PFKL: variants seen among roughly 807,000 people sequenced by gnomAD.
The protein encoded by PFKL is phosphofructokinase, liver type, also known as ATP-dependent 6-phosphofructokinase, liver type.
A neutral mutation model predicts 92.1 loss-of-function variants in PFKL; 74 were observed. The observed-to-expected ratio is 0.80, with a 90% confidence interval of 0.67 to 0.97. PFKL has a LOEUF of 0.97. Ranked by LOEUF, PFKL falls within the 50% of genes least tolerant of loss-of-function variation. The probability of loss-of-function intolerance (pLI) is 0.00; values close to 1 mark genes in which losing one functional copy is unlikely to be tolerated. For missense variants in PFKL, 1,028 were observed against 1,116.6 expected (o/e 0.92, Z 1.13); for synonymous variants, 494 against 456.4 (o/e 1.08, Z -1.05).
Position 44,300,118 on chromosome 21 carries a change from GA to G in PFKL, c.14del (p.Asp5AlafsTer17). 1 of 1,178,816 alleles carries G rather than the reference GA, an allele frequency of 8.5e-7. No homozygotes were observed. The highest frequency in any genetic ancestry group is 1.6e-5 in the African/African-American group (1 of 60,824). The allele number at this position is 1,178,816 out of a possible 1,614,324, so 73.0% of individuals were successfully genotyped here. MAAV[D>X]LEKLRASGAG... is the part of the protein sequence containing the mutation. ...TTCGGCCGCCGCCATGGCCGCGGTG[GA>G]CCTGGAGAAGCTGCGGGCGTCGGGC... On this transcript the variant is annotated frameshift_variant, in exon 1 of 22. Transcript: ENST00000349048. LOFTEE classifies it high-confidence loss of function.
Position 44,312,269 on chromosome 21 carries a change from C to A in PFKL, c.402C>A (p.Ser134Arg), listed in dbSNP as rs1476757084. 2 of 1,595,126 alleles carry A rather than the reference C, an allele frequency of 1.3e-6. No individual in the cohort carries two copies. Among genetic ancestry groups the A allele is most frequent in the Non-Finnish European group, 1.7e-6 (2 of 1,172,470 alleles). Residue 134 changes from serine (S) to arginine (R), a missense_variant, in exon 4 of 22, where the codon AGC (serine) becomes AGA (arginine). Coordinates refer to ENST00000349048, the MANE Select transcript of PFKL (RefSeq NM_002626.6). The part of the protein sequence containing the change: ...GANIFRSEWG[S>R]LLEELVAEGK... ...ACATCTTCCGCAGCGAGTGGGGCAG[C>A]CTGCTGGAGGAGCTGGTGGCGGAAG...
intron 21 of PFKL, 78 bp downstream of exon 21, chr21:44,326,342 G>C (rs4818906): frequency 1.3e-5 from 15 of 1,112,912 alleles, no homozygotes; most frequent in Non-Finnish European, 1.8e-5. Context: ...GGTGTGCCAG[G>C]CCCAGCCCCA....
At position 44,316,340 on chromosome 21, in the gene PFKL, G is replaced by A. The variant is rs1431553453; in HGVS notation, c.843+1G>A. On this transcript the variant is annotated splice_donor_variant, in intron 8 of 21. Transcript: ENST00000349048. LOFTEE classifies it high-confidence loss of function. ...CATCTCGTCCAGCTACGTGAAGGAC[G>A]TGCGTGTGGGCCTGGGGGTGGCCAC... 6.2e-6 allele frequency: 10 copies of A among 1,612,990 alleles called. No individual in the cohort carries two copies. The highest frequency in any genetic ancestry group is 2.2e-5 in the East Asian group (1 of 44,896).
chr21:44,326,873 G>T lies in PFKL; in HGVS notation c.*11G>T. 1 of 1,599,224 alleles carries T rather than the reference G, an allele frequency of 6.3e-7. No individual in the cohort carries two copies. Among genetic ancestry groups the T allele is most frequent in the Non-Finnish European group, 8.5e-7 (1 of 1,173,204 alleles). ...GACAAGGGCTTCTGAGGCCAGCCAT[G>T]CCCACGCCCCTCCCCAGCCCCCACC... On this transcript the variant is annotated 3_prime_UTR_variant, in exon 22 of 22. Transcript: ENST00000349048.
intron 1 of PFKL, among the ~76,000 whole-genome samples, chr21:44,301,750 A>G (rs1365290524): frequency 1.3e-5 from 2 of 152,098 alleles, no homozygotes; most frequent in African/African-American, 4.8e-5. Flanking sequence ...GTGAAGCCCC[A>G]AAGCCCACCT....
Position 44,324,588 on chromosome 21 carries a change from C to G in PFKL, c.1748C>G (p.Thr583Ser). 2.5e-6 allele frequency: 4 copies of G among 1,612,808 alleles called. No homozygotes were observed. Among genetic ancestry groups the G allele is most frequent in the Non-Finnish European group, 3.4e-6 (4 of 1,179,652 alleles). The change falls in exon 17 of 22, where the codon ACT becomes AGT. Residue 583 changes from threonine (T) to serine (S), a missense_variant. Coordinates refer to ENST00000349048, the MANE Select transcript of PFKL (RefSeq NM_002626.6). The stretch of plus-strand genomic sequence containing the variant: ...TACTGTGGCTACCTGGCCACCGTGA[C>G]TGGCATTGCTGTGGGGGCCGACGCC... Reference protein sequence around the residue: ...GGYCGYLATVTGIAVGADAAY... With the variant: ...GGYCGYLATVSGIAVGADAAY...
Position 44,325,958 on chromosome 21 carries a change from C to T in PFKL, c.1990-3C>T. On this transcript the variant is annotated splice_polypyrimidine_tract_variant and splice_region_variant and intron_variant, in intron 19 of 21. Transcript: ENST00000349048. ...CAGGGAACCGGGCCTCACCTGTTTC[C>T]AGGGTGGCGCTCCAACCCCCTTTGA... 1.2e-6 allele frequency: 2 copies of T among 1,611,644 alleles called. No individual in the cohort carries two copies. The highest frequency in any genetic ancestry group is 1.7e-6 in the Non-Finnish European group (2 of 1,178,692).
At chr21:44,313,517 G>A in intron 5 of PFKL, 121 bp from the exon 6 acceptor site, 1 of 937,290 alleles carries the variant, frequency 1.1e-6, no homozygotes, top group Non-Finnish European at 1.7e-6. Context: ...GCCTGGGCAT[G>A]AGAAGGGGCT....
chr21:44,324,717 A>T lies in PFKL; in HGVS notation c.1815+62A>T. 1.9e-6 allele frequency: 3 copies of T among 1,559,508 alleles called. No homozygotes were observed. In the Admixed American group the frequency reaches 5.3e-5, roughly 27 times the overall value. On this transcript the variant is annotated intron_variant, in intron 17 of 21. Coordinates refer to ENST00000349048, the MANE Select transcript of PFKL (RefSeq NM_002626.6). Reference sequence around the variant, plus strand: ...CGGCATGCCAGCCTGGGCCCCAGACACTCAGGCCGGCCAGCGCAGGGCAGG... The same window carrying T: ...CGGCATGCCAGCCTGGGCCCCAGACTCTCAGGCCGGCCAGCGCAGGGCAGG...
chr21:44,318,473 A>G lies in PFKL; in HGVS notation c.940A>G (p.Ser314Gly). The change falls in exon 10 of 22, where the codon AGC becomes GGC. Residue 314 changes from serine to glycine, a missense_variant. Coordinates refer to ENST00000349048, the MANE Select transcript of PFKL (RefSeq NM_002626.6). ...TPSAFDRILS[S>G]KMGMEAVMAL... ...CAGCCTGAACCCTTCCCCACAGAGC[A>G]GCAAGATGGGCATGGAGGCGGTGAT... The G allele has an allele frequency of 2.6e-6, 4 of 1,544,684 alleles. No homozygotes were observed. The highest frequency in any genetic ancestry group is 3.5e-6 in the Non-Finnish European group (4 of 1,137,934).
At chr21:44,320,509 T>C (rs979223214) in intron 12 of PFKL, 1 of 175,772 alleles carries the variant, frequency 5.7e-6, no homozygotes, top group Admixed American at 6.1e-5. Flanking sequence ...CCAGTTCACC[T>C]GAGGTCAGGA....
chr21:44,305,394 G>A (rs2040904267), intron 1 of PFKL: 1 of 1,364,228 alleles, frequency 7.3e-7, no homozygotes, highest in Middle Eastern at 2.1e-4. Flanking sequence ...GAGCTGCCGA[G>A]GCTTGAGCAG....
chr21:44,322,100 G>T, intron 13 of PFKL, 33 bp from the exon 14 acceptor site: 5 of 1,589,142 alleles, frequency 3.1e-6, no homozygotes, highest in Non-Finnish European at 4.3e-6. Context: ...AGAGGCTCAG[G>T]CTGGCCCCTG....
intron 7 of PFKL, chr21:44,314,711 G>A (rs2838548): frequency 0.088 from 13,339 of 152,322 alleles, 631 homozygotes; most frequent in African/African-American, 0.12. Context: ...CTGCCCTGTG[G>A]ACCCTGAGAC....
intron 11 of PFKL, 133 bp downstream of exon 11, chr21:44,319,548 G>A: frequency 2.6e-6 from 2 of 784,120 alleles, no homozygotes; most frequent in Non-Finnish European, 4.3e-6. Context: ...ATCGAGGGAG[G>A]AAGGGGCCTG....
At chr21:44,311,938 C>T (rs966003590) in intron 3 of PFKL, among the ~76,000 whole-genome samples, 167 bp from the exon 4 acceptor site, 1 of 152,180 alleles carries the variant, frequency 6.6e-6, no homozygotes, top group African/African-American at 2.4e-5. Flanking sequence ...GAGAGAGGCC[C>T]AGGGAGGTAG....
Position 44,327,268 on chromosome 21 carries a change from C to T in PFKL, c.*406C>T. ...CCTAGGTTGTGTTGAGAGGGGGATG[C>T]CCCTGGCCCTGCCTCACTGTGACCT... is the stretch of plus-strand genomic sequence containing the variant. On this transcript the variant is annotated 3_prime_UTR_variant, in exon 22 of 22. Coordinates refer to ENST00000349048, the MANE Select transcript of PFKL (RefSeq NM_002626.6). The T allele has an allele frequency of 4.3e-6, 1 of 232,646 alleles. No homozygotes were observed. The highest frequency in any genetic ancestry group is 8.6e-6 in the Non-Finnish European group (1 of 115,660). The allele number at this position is 232,646 out of a possible 1,614,324, so 14.4% of individuals were successfully genotyped here.
chr21:44,307,287 C>T, intron 2 of PFKL: 1 of 985,382 alleles, frequency 1.0e-6, no homozygotes, highest in Non-Finnish European at 1.2e-6. Context: ...CTGCCTCAGC[C>T]CCAGTCCCCG....
At chr21:44,311,633 G>T (rs1286523569) in intron 3 of PFKL, among the ~76,000 whole-genome samples, 1 of 152,206 alleles carries the variant, frequency 6.6e-6, no homozygotes, top group East Asian at 1.9e-4. Flanking sequence ...GTTGCCAGGG[G>T]CCAGGAGGAC....
Sources: gnomAD v4.1 joint callset for allele counts (sites outside exome capture counted in the v4.1 genomes callset) on GRCh38, gnomAD v4.1.1 for gene constraint, MANE v1.5 for transcripts, NCBI Gene and HGNC (gene_info 2026-07-23, HGNC 2026-07-21) for gene names.